The following ARMH1 variants were observed in gnomAD, a reference collection of about 807,000 sequenced individuals.
The protein encoded by ARMH1 is armadillo-like helical domain containing protein 1.
ARMH1 carries 34 observed loss-of-function variants against 50.2 expected under a neutral mutation model. That is an observed-to-expected ratio of 0.68 (90% CI 0.51 to 0.90). The LOEUF (loss-of-function observed/expected upper bound fraction) is 0.90. Ranked by LOEUF, ARMH1 falls within the 40% of genes least tolerant of loss-of-function variation. The probability of loss-of-function intolerance (pLI) is 0.00; values close to 1 mark genes in which losing one functional copy is unlikely to be tolerated. For synonymous variants in ARMH1, 221 were observed against 224.2 expected (o/e 0.99, Z 0.13); for missense variants, 538 against 553.9 (o/e 0.97, Z 0.29).
Position 44,698,144 on chromosome 1 carries a change from G to A in ARMH1, c.357G>A (p.Glu119=), listed in dbSNP as rs749751941. The A allele has an allele frequency of 7.7e-6, 12 of 1,552,346 alleles. No homozygotes were observed. In the East Asian group the frequency reaches 9.8e-5, roughly 13 times the overall value. ...TACTTGGGCTAGAGAAGATCAAGGA[G>A]GAGGCCAAGAAGGAATCTGTCAAAC... is the stretch of plus-strand genomic sequence containing the variant. ...LEILGLEKIK[E]EAKKESVKLL... is the part of the protein sequence containing the mutation. The change falls in exon 4 of 12, where the codon GAG becomes GAA. Residue 119 remains glutamate, a synonymous_variant. Coordinates refer to ENST00000535358, the MANE Select transcript of ARMH1 (RefSeq NM_001145636.2).
intron 5 of ARMH1, among the ~76,000 whole-genome samples, chr1:44,703,800 C>T (rs1267773512): frequency 2.0e-5 from 3 of 149,828 alleles, no homozygotes; most frequent in South Asian, 4.2e-4. Flanking sequence ...GATCTCGGCT[C>T]ACTGCAAGCT....
At chr1:44,696,985 AG>A (rs1645847593) in intron 2 of ARMH1, 116 bp from the exon 3 acceptor site, 1 of 698,666 alleles carries the variant, frequency 1.4e-6, no homozygotes, top group Non-Finnish European at 2.6e-6. Context: ...CAGGGTAAAG[AG>A]GCACAGTTCA....
At position 44,683,565 on chromosome 1, in the gene ARMH1, G is replaced by GTCA. The variant is rs762720682; in HGVS notation, c.-22-6109_-22-6107dup. 4.4e-4 allele frequency among the ~76,000 whole-genome samples: 67 copies of GTCA among 152,346 alleles called. No homozygotes were observed. The highest frequency in any genetic ancestry group is 6.2e-4 in the South Asian group (3 of 4,828). On this transcript the variant is annotated intron_variant, in intron 1 of 11. Transcript: ENST00000535358. The surrounding 1 kb of genome is among the most constrained non-coding windows in gnomAD (Gnocchi z 4.2). ...AGGGGATTCTGGGGTTAGGAAAAGA[G>GTCA]TCATTCACAATCCATCAGAGAGACC...
intron 6 of ARMH1, among the ~76,000 whole-genome samples, chr1:44,721,559 G>C (rs1291478428): frequency 1.3e-5 from 2 of 151,888 alleles, no homozygotes; most frequent in Non-Finnish European, 2.9e-5. Context: ...ATGTTTACAA[G>C]AAGCTAAAAA....
rs187642639 is a variant in ARMH1, at chr1:44,714,201, C to T, written c.725-9921C>T. 1.1e-3 allele frequency among the ~76,000 whole-genome samples: 166 copies of T among 148,742 alleles called. 3 individuals are homozygous for T. The highest frequency in any genetic ancestry group is 4.0e-3 in the African/African-American group (159 of 40,164). ...AGTAGAATGGCGTGAACCTGGGAGGCGGAGCTTGCAGTGAGCCGAGATTGC... is the reference window on the plus strand; with the variant it reads ...AGTAGAATGGCGTGAACCTGGGAGGTGGAGCTTGCAGTGAGCCGAGATTGC... On this transcript the variant is annotated intron_variant, in intron 6 of 11. Transcript: ENST00000535358.
intron 5 of ARMH1, among the ~76,000 whole-genome samples, chr1:44,702,307 G>A (rs980602810): frequency 6.6e-6 from 1 of 152,144 alleles, no homozygotes; most frequent in African/African-American, 2.4e-5. Flanking sequence ...AGTGTGTTAA[G>A]TGACTTACCC....
chr1:44,706,426 G>A (rs1646345374), intron 6 of ARMH1, among the ~76,000 whole-genome samples: 1 of 152,078 alleles, frequency 6.6e-6, no homozygotes, highest in Non-Finnish European at 1.5e-5. Flanking sequence ...ATCAGTATAG[G>A]GATAGGGACT....
chr1:44,719,466 G>A (rs1646995345), intron 6 of ARMH1, among the ~76,000 whole-genome samples: 1 of 152,222 alleles, frequency 6.6e-6, no homozygotes, highest in Non-Finnish European at 1.5e-5. Context: ...CTGGAGTGGA[G>A]AAGTCAGCTC....
chr1:44,714,861 C>A (rs1646786990), intron 6 of ARMH1, among the ~76,000 whole-genome samples: 1 of 151,976 alleles, frequency 6.6e-6, no homozygotes, highest in African/African-American at 2.4e-5. Context: ...TGTTGCCCAA[C>A]CTGATTTGAC....
chr1:44,690,341 T>TA (rs60255533), intron 2 of ARMH1, among the ~76,000 whole-genome samples: 21 of 149,962 alleles, frequency 1.4e-4, no homozygotes, highest in South Asian at 4.2e-4. Flanking sequence ...AAAAAAGTGA[T>TA]AAAAAAAAAA....
chr1:44,688,043 A>G (rs1485344922), intron 1 of ARMH1, among the ~76,000 whole-genome samples: 1 of 152,210 alleles, frequency 6.6e-6, no homozygotes, highest in Non-Finnish European at 1.5e-5. Flanking sequence ...CCTGGGGTCT[A>G]GAACAGCCAT....
At chr1:44,697,199 G>A (rs757288560) in intron 3 of ARMH1, 29 bp downstream of exon 3, 1 of 1,516,126 alleles carries the variant, frequency 6.6e-7, no homozygotes. Context: ...TGATTCTGGG[G>A]GTCTCAGTGG....
chr1:44,703,220 C>T (rs1646172758), intron 5 of ARMH1, among the ~76,000 whole-genome samples: 1 of 152,026 alleles, frequency 6.6e-6, no homozygotes, highest in Non-Finnish European at 1.5e-5. Context: ...TGCCCTGTGT[C>T]CTCTCTCCCC....
At chr1:44,675,721 A>T (rs2148550245) in intron 1 of ARMH1, among the ~76,000 whole-genome samples, 1 of 151,962 alleles carries the variant, frequency 6.6e-6, no homozygotes, top group East Asian at 1.9e-4. Context: ...GCACTTTGGG[A>T]GGCTGAGGCG....
chr1:44,683,035 G>A lies in ARMH1; in HGVS notation c.-22-6641G>A, dbSNP rs1645361610. Among the ~76,000 whole-genome samples, 1 of 152,236 alleles carries A rather than the reference G, an allele frequency of 6.6e-6. No individual in the cohort carries two copies. Among genetic ancestry groups the A allele is most frequent in the Non-Finnish European group, 1.5e-5 (1 of 68,036 alleles). The stretch of plus-strand genomic sequence containing the variant: ...TGGAGGCTGTTGCAGTAATCCATAT[G>A]CGGAACAAGGGTGTGAAACTGAAAT... On this transcript the variant is annotated intron_variant, in intron 1 of 11. Transcript: ENST00000535358. This position sits in a 1 kb window ranked among gnomAD's most constrained non-coding sequence, Gnocchi z 4.2.
intron 6 of ARMH1, among the ~76,000 whole-genome samples, chr1:44,712,241 C>T (rs557132933): frequency 6.6e-6 from 1 of 152,270 alleles, no homozygotes; most frequent in Admixed American, 6.5e-5. Flanking sequence ...GGCGGATCAC[C>T]TGAGGCCAGG....
rs1247500435 is a variant in ARMH1 at position 44,682,939 on chromosome 1, CAAAAAT to C, written c.-22-6719_-22-6714del. 2.6e-5 allele frequency among the ~76,000 whole-genome samples: 4 copies of C among 152,000 alleles called. No homozygotes were observed. The highest frequency in any genetic ancestry group is 3.9e-4 in the East Asian group (2 of 5,178). ...TGGGTGACAGAGCAAGGCCCTGTCT[CAAAAAT>C]AAAAATAAAAATAAAAAATCTCACA... On this transcript the variant is annotated intron_variant, in intron 1 of 11. Transcript: ENST00000535358. The surrounding 1 kb of genome is among the most constrained non-coding windows in gnomAD (Gnocchi z 4.5).
In ARMH1 at chr1:44,724,839, G is replaced by A. The variant is rs1402555939; in HGVS notation, c.1128G>A (p.Leu376=). The A allele has an allele frequency of 6.5e-7, 1 of 1,537,120 alleles. No individual in the cohort carries two copies. The highest frequency in any genetic ancestry group is 1.2e-5 in the South Asian group (1 of 83,462). ...GGGAGGAACTCTACCAGCTCTTCCT[G>A]GTAAGTGCGCCCTTCCTGCCCCGCC... ...CMGEELYQLF[L]SNAEDLYMKI... Residue 376 remains leucine, a splice_region_variant and synonymous_variant, in exon 10 of 12, where the codon CTG becomes CTA. Coordinates refer to ENST00000535358, the MANE Select transcript of ARMH1 (RefSeq NM_001145636.2). The surrounding 1 kb of genome is among the most constrained non-coding windows in gnomAD (Gnocchi z 6.4).
intron 6 of ARMH1, among the ~76,000 whole-genome samples, chr1:44,717,315 G>C (rs1025598959): frequency 1.3e-5 from 2 of 152,208 alleles, no homozygotes; most frequent in African/African-American, 4.8e-5. Context: ...CACAGGCTTA[G>C]CTCTGATGCA....
Sources: gnomAD v4.1 joint callset for allele counts (sites outside exome capture counted in the v4.1 genomes callset) on GRCh38, gnomAD v4.1.1 for gene constraint, Gnocchi (gnomAD v3.1) non-coding constraint, MANE v1.5 for transcripts, NCBI Gene and HGNC (gene_info 2026-07-23, HGNC 2026-07-21) for gene names.